CDH12: variants seen among roughly 807,000 people sequenced by gnomAD.
The protein encoded by CDH12 is cadherin-12.
Under a neutral mutation model 74.1 loss-of-function variants are expected in CDH12, and 41 were observed. The ratio of observed to expected loss-of-function variants is 0.55; its 90% CI spans 0.43 to 0.72. CDH12 has a LOEUF of 0.72. CDH12 is among the 30% of genes least tolerant of loss of function. The probability of loss-of-function intolerance (pLI) is 0.00; values close to 1 mark genes in which losing one functional copy is unlikely to be tolerated. For missense variants in CDH12, 945 were observed against 977.2 expected (o/e 0.97, Z 0.44); for synonymous variants, 399 against 355.0 (o/e 1.12, Z -1.39).
At chr5:22,503,180 T>G (rs1316961061) in intron 2 of CDH12, among the ~76,000 whole-genome samples, 1 of 152,140 alleles carries the variant, frequency 6.6e-6, no homozygotes. Context: ...CTTTTTTGCA[T>G]GATTTATAAT....
chr5:21,964,039 A>C (rs761436978), intron 6 of CDH12, among the ~76,000 whole-genome samples: 1 of 152,026 alleles, frequency 6.6e-6, no homozygotes, highest in Non-Finnish European at 1.5e-5. Flanking sequence ...GAAGAATGAG[A>C]ATAGAGAAGA....
intron 1 of CDH12, among the ~76,000 whole-genome samples, chr5:22,801,221 T>C (rs1748492095): frequency 6.6e-6 from 1 of 152,184 alleles, no homozygotes; most frequent in South Asian, 2.1e-4. Context: ...GCCAGTGTTC[T>C]AGATTTTGCT....
chr5:22,194,324 T>G (rs1447171616), intron 4 of CDH12, among the ~76,000 whole-genome samples: 1 of 136,098 alleles, frequency 7.3e-6, no homozygotes, highest in Non-Finnish European at 1.6e-5. Context: ...TTTTTTTTTG[T>G]TTTGTTTTTT....
At chr5:22,459,050 G>A (rs771002320) in intron 2 of CDH12, among the ~76,000 whole-genome samples, 13 of 151,978 alleles carry the variant, frequency 8.6e-5, no homozygotes, top group Non-Finnish European at 1.8e-4. Context: ...AGGTTAAACT[G>A]TACCCTCAGC....
chr5:22,181,872 A>G lies in CDH12; in HGVS notation c.-187+30626T>C, dbSNP rs537368808. On this transcript the variant is annotated intron_variant, in intron 4 of 14. Coordinates refer to ENST00000382254, the MANE Select transcript of CDH12 (RefSeq NM_004061.5). ...ATGAGTACTTAAAATTTTTAATCAC[A>G]TATTAAGAAACTACTCCCAAATCAT... 5.3e-5 allele frequency among the ~76,000 whole-genome samples: 8 copies of G among 152,216 alleles called. No individual in the cohort carries two copies. In the East Asian group the frequency reaches 1.5e-3, roughly 29 times the overall value.
At position 21,849,443 on chromosome 5, in the gene CDH12, A is replaced by G. The variant is rs141846140; in HGVS notation, c.646+5228T>C. Among the ~76,000 whole-genome samples the G allele has an allele frequency of 1.8e-3, 275 of 151,928 alleles. 2 individuals are homozygous for G. The highest frequency in any genetic ancestry group is 6.2e-3 in the African/African-American group (257 of 41,528). ...TCCTGGGCATGGAATTTACTACACG[A>G]TCATAATATTACAAAATAGGTAATA... On this transcript the variant is annotated intron_variant, in intron 7 of 14. Transcript: ENST00000382254.
intron 10 of CDH12, among the ~76,000 whole-genome samples, chr5:21,794,046 C>T (rs1746644863): frequency 6.6e-6 from 1 of 151,176 alleles, no homozygotes; most frequent in South Asian, 2.1e-4. Flanking sequence ...ATGCAATGTA[C>T]TAATAAAATA....
intron 1 of CDH12, among the ~76,000 whole-genome samples, chr5:22,835,055 A>C (rs565641869): frequency 2.8e-4 from 42 of 152,234 alleles, no homozygotes; most frequent in African/African-American, 8.9e-4. Flanking sequence ...ATAAATTTGC[A>C]TTTCTATTTA....
intron 1 of CDH12, among the ~76,000 whole-genome samples, chr5:22,717,869 C>A (rs114191471): frequency 0.01 from 1,548 of 152,172 alleles, 13 homozygotes; most frequent in Middle Eastern, 0.027. Context: ...TTCAGACAGA[C>A]CTTGTGTCCT....
At chr5:22,570,079 C>T (rs903554055) in intron 1 of CDH12, among the ~76,000 whole-genome samples, 6 of 147,828 alleles carry the variant, frequency 4.1e-5, no homozygotes, top group Non-Finnish European at 6.0e-5. Flanking sequence ...TTATTGAGAC[C>T]GAGTCTCGCT....
intron 1 of CDH12, among the ~76,000 whole-genome samples, chr5:22,513,101 A>G (rs1016491894): frequency 6.6e-6 from 1 of 152,220 alleles, no homozygotes; most frequent in African/African-American, 2.4e-5. Context: ...ACACCATGTT[A>G]TAAAAGAAAA....
chr5:22,841,216 A>G (rs1302210987), intron 1 of CDH12, among the ~76,000 whole-genome samples: 1 of 152,176 alleles, frequency 6.6e-6, no homozygotes, highest in Non-Finnish European at 1.5e-5. Context: ...ACAGATGAAA[A>G]TTGGTAGGAT....
chr5:22,809,686 T>G lies in CDH12; in HGVS notation c.-523+43372A>C, dbSNP rs998680723. On this transcript the variant is annotated intron_variant, in intron 1 of 14. Coordinates refer to ENST00000382254, the MANE Select transcript of CDH12 (RefSeq NM_004061.5). ...AAAATGTTAGAGGGAAATATTTCAT[T>G]AAAAACTGCAGAAGGTAGATATCAT... Among the ~76,000 whole-genome samples the G allele has an allele frequency of 2.0e-5, 3 of 151,992 alleles. No individual in the cohort carries two copies. The South Asian group carries it at 6.2e-4, about 31-fold the overall frequency.
chr5:22,595,773 T>C (rs1279431254), intron 1 of CDH12, among the ~76,000 whole-genome samples: 3 of 151,992 alleles, frequency 2.0e-5, no homozygotes, highest in East Asian at 1.9e-4. Context: ...AAGAAAAATG[T>C]TTCTGAAAAG....
At chr5:22,349,870 G>A (rs1000788966) in intron 3 of CDH12, among the ~76,000 whole-genome samples, 2 of 152,130 alleles carry the variant, frequency 1.3e-5, no homozygotes, top group East Asian at 3.9e-4. Flanking sequence ...GAGTAGCTGG[G>A]ACTACAGGCG....
intron 11 of CDH12, among the ~76,000 whole-genome samples, chr5:21,773,284 A>T (rs896001076): frequency 6.6e-6 from 1 of 152,102 alleles, no homozygotes; most frequent in Non-Finnish European, 1.5e-5. Flanking sequence ...TGTGTCTATG[A>T]GGGTGTTGCC....
intron 4 of CDH12, among the ~76,000 whole-genome samples, chr5:22,189,851 C>G (rs1238497483): frequency 2.4e-3 from 1 of 416 alleles, no homozygotes; most frequent in South Asian, 0.25. Context: ...ACCACATCTT[C>G]CCCCCGCCTA....
chr5:22,310,915 A>G lies in CDH12; in HGVS notation c.-333+94342T>C, dbSNP rs554526894. ...TGGTCCTTCTTACCCAGTAATAAAA[A>G]TGAAAATTATTTTCCTTGGCAACTC... On this transcript the variant is annotated intron_variant, in intron 3 of 14. Coordinates refer to ENST00000382254, the MANE Select transcript of CDH12 (RefSeq NM_004061.5). Among the ~76,000 whole-genome samples the G allele has an allele frequency of 3.3e-5, 5 of 152,348 alleles. No individual in the cohort carries two copies. The South Asian group carries it at 1.0e-3, about 32-fold the overall frequency.
intron 3 of CDH12, among the ~76,000 whole-genome samples, chr5:22,365,398 T>C (rs951043147): frequency 1.3e-5 from 2 of 152,228 alleles, no homozygotes; most frequent in Non-Finnish European, 2.9e-5. Context: ...ACAGAGATAT[T>C]CACTCAACAG....
Sources: gnomAD v4.1 joint callset for allele counts (sites outside exome capture counted in the v4.1 genomes callset) on GRCh38, gnomAD v4.1.1 for gene constraint, MANE v1.5 for transcripts, NCBI Gene and HGNC (gene_info 2026-07-23, HGNC 2026-07-21) for gene names.